HCN1: variants seen among roughly 807,000 people sequenced by gnomAD.
HCN1 encodes hyperpolarization activated cyclic nucleotide gated potassium channel 1.
HCN1 carries 13 observed loss-of-function variants against 78.9 expected under a neutral mutation model. The observed-to-expected ratio is 0.16, with a 90% CI of 0.11 to 0.26. The LOEUF (loss-of-function observed/expected upper bound fraction) is 0.26, where lower values mean the gene tolerates loss of function less well. Ranked by LOEUF, HCN1 falls within the 10% of genes least tolerant of loss-of-function variation. The pLI is 1.00. For synonymous variants in HCN1, 552 were observed against 455.5 expected (o/e 1.21, Z -2.70); for missense variants, 810 against 1,154.3 (o/e 0.70, Z 4.32).
At chr5:45,657,798 G>C (rs1349065953) in intron 1 of HCN1, among the ~76,000 whole-genome samples, 1 of 152,202 alleles carries the variant, frequency 6.6e-6, no homozygotes, top group Non-Finnish European at 1.5e-5. Context: ...TCAATATCAT[G>C]AAAATGGCCA....
chr5:45,657,960 C>T (rs183102474), intron 1 of HCN1, among the ~76,000 whole-genome samples: 5,953 of 152,136 alleles, frequency 0.039, 413 homozygotes, highest in African/African-American at 0.13. Flanking sequence ...AGAACAAAGC[C>T]GGAGGCATCA....
chr5:45,635,659 T>C (rs988694994), intron 2 of HCN1, among the ~76,000 whole-genome samples: 1 of 152,110 alleles, frequency 6.6e-6, no homozygotes, highest in African/African-American at 2.4e-5. Context: ...CAACCAAATG[T>C]ATTTCCTTTT....
intron 2 of HCN1, among the ~76,000 whole-genome samples, chr5:45,629,486 C>G (rs1486274303): frequency 2.6e-5 from 4 of 151,984 alleles, no homozygotes; most frequent in Non-Finnish European, 4.4e-5. Flanking sequence ...GTGTAAAACT[C>G]AAAGATAATT....
chr5:45,332,798 C>T (rs879578482), intron 5 of HCN1, among the ~76,000 whole-genome samples: 54 of 151,524 alleles, frequency 3.6e-4, no homozygotes, highest in Non-Finnish European at 5.6e-4. Flanking sequence ...GTTCCATCCA[C>T]GTTGTTGCAA....
chr5:45,371,131 G>A (rs924460197), intron 4 of HCN1, among the ~76,000 whole-genome samples: 2 of 151,972 alleles, frequency 1.3e-5, no homozygotes, highest in Admixed American at 6.6e-5. Flanking sequence ...CTAAGGCAGC[G>A]ATAAGAGGGA....
At chr5:45,391,321 A>G (rs1739556755) in intron 4 of HCN1, among the ~76,000 whole-genome samples, 1 of 152,182 alleles carries the variant, frequency 6.6e-6, no homozygotes, top group Non-Finnish European at 1.5e-5. Flanking sequence ...AGATCATTAT[A>G]ACTTCAAAGT....
chr5:45,374,208 T>G (rs1249786876), intron 4 of HCN1, among the ~76,000 whole-genome samples: 5 of 111,862 alleles, frequency 4.5e-5, no homozygotes, highest in Non-Finnish European at 9.3e-5. Flanking sequence ...ATACATAACA[T>G]ATATATTATG....
chr5:45,488,583 G>T (rs1189995062), intron 2 of HCN1, among the ~76,000 whole-genome samples: 3 of 151,844 alleles, frequency 2.0e-5, no homozygotes, highest in African/African-American at 7.3e-5. Flanking sequence ...AAAATATATT[G>T]AAATGCTCTA....
intron 6 of HCN1, among the ~76,000 whole-genome samples, chr5:45,301,722 TAAA>T (rs34604835): frequency 3.1e-5 from 4 of 130,236 alleles, no homozygotes; most frequent in South Asian, 2.5e-4. Context: ...CCCTGTCATT[TAAA>T]AAAAAAAAAA....
intron 2 of HCN1, among the ~76,000 whole-genome samples, chr5:45,466,082 A>AT (rs1431045544): frequency 2.6e-5 from 4 of 152,250 alleles, no homozygotes; most frequent in African/African-American, 4.8e-5. Context: ...CATAAATGTG[A>AT]TTTTTTGTGA....
intron 5 of HCN1, among the ~76,000 whole-genome samples, chr5:45,329,034 C>A (rs1420715465): frequency 1.3e-5 from 2 of 151,474 alleles, no homozygotes; most frequent in Non-Finnish European, 3.0e-5. Flanking sequence ...AAGTGGGAGG[C>A]AGATAGGAGT....
intron 3 of HCN1, among the ~76,000 whole-genome samples, chr5:45,400,041 A>G (rs1032928517): frequency 1.3e-5 from 2 of 152,118 alleles, no homozygotes; most frequent in East Asian, 3.9e-4. Flanking sequence ...TCCATGAACA[A>G]GAAATGGTAT....
intron 1 of HCN1, among the ~76,000 whole-genome samples, chr5:45,670,826 A>C (rs1746136891): frequency 1.3e-5 from 2 of 151,738 alleles, no homozygotes; most frequent in African/African-American, 4.8e-5. Flanking sequence ...AATTACAGTT[A>C]ATTTATCCAC....
intron 2 of HCN1, among the ~76,000 whole-genome samples, chr5:45,571,987 T>A (rs560048161): frequency 9.2e-5 from 14 of 152,172 alleles, no homozygotes; most frequent in Admixed American, 2.0e-4. Context: ...ATAAATGCAT[T>A]TGAAAGCATC....
intron 5 of HCN1, among the ~76,000 whole-genome samples, chr5:45,350,699 A>G (rs1196692375): frequency 2.0e-5 from 3 of 150,660 alleles, no homozygotes; most frequent in Non-Finnish European, 3.0e-5. Flanking sequence ...AAATCAATGT[A>G]CAAAAATCAC....
chr5:45,581,460 T>A lies in HCN1; in HGVS notation c.849+63725A>T, dbSNP rs1220086626. On this transcript the variant is annotated intron_variant, in intron 2 of 7. Transcript: ENST00000303230. ...AGTAGATTGTAAAATTTTTCTCCCA[T>A]TCTGTAGGTTGCCTGTTCACTCTGA... Among the ~76,000 whole-genome samples, 18 of 152,222 alleles carry A rather than the reference T, an allele frequency of 1.2e-4. No homozygotes were observed. In the East Asian group the frequency reaches 3.5e-3, roughly 30 times the overall value.
intron 5 of HCN1, among the ~76,000 whole-genome samples, chr5:45,307,840 T>C (rs1178498654): frequency 2.6e-5 from 4 of 152,106 alleles, no homozygotes; most frequent in Non-Finnish European, 1.5e-5. Flanking sequence ...ATAACTGTAG[T>C]TATTACAAAT....
chr5:45,273,287 A>C (rs1415521829), intron 6 of HCN1, among the ~76,000 whole-genome samples: 1 of 152,082 alleles, frequency 6.6e-6, no homozygotes, highest in South Asian at 2.1e-4. Flanking sequence ...TGTCAGAAAG[A>C]GTGTGGCCTG....
Position 45,303,621 on chromosome 5 carries a change from C to T in HCN1, c.1596G>A (p.Leu532=). The change falls in exon 6 of 8, where the codon CTG becomes CTA. Residue 532 remains leucine (L), a synonymous_variant. Transcript: ENST00000303230. The part of the protein sequence containing the change: ...VITKSSKEMK[L]TDGSYFGEIC... ...AACCTCCAAAGTAAGAGCCATCTGT[C>T]AGCTTCATTTCTTTACTGGATTTTG... is the stretch of plus-strand genomic sequence containing the variant. 1 of 1,613,358 alleles carries T rather than the reference C, an allele frequency of 6.2e-7. No homozygotes were observed. The highest frequency in any genetic ancestry group is 1.1e-5 in the South Asian group (1 of 91,054).
Sources: gnomAD v4.1 joint callset for allele counts (sites outside exome capture counted in the v4.1 genomes callset) on GRCh38, gnomAD v4.1.1 for gene constraint, MANE v1.5 for transcripts, NCBI Gene and HGNC (gene_info 2026-07-23, HGNC 2026-07-21) for gene names.